RNF38: variants seen among roughly 807,000 people sequenced by gnomAD.
RNF38 encodes E3 ubiquitin-protein ligase RNF38.
RNF38 carries 15 observed loss-of-function variants against 67.2 expected under a neutral mutation model. The ratio of observed to expected loss-of-function variants is 0.22; its 90% CI spans 0.15 to 0.34. The LOEUF (loss-of-function observed/expected upper bound fraction) is 0.34, where lower values mean the gene tolerates loss of function less well. RNF38 is among the 10% of genes least tolerant of loss of function. The pLI is 1.00. For synonymous variants in RNF38, 220 were observed against 218.8 expected (o/e 1.01, Z -0.05); for missense variants, 524 against 639.9 (o/e 0.82, Z 1.95).
At chr9:36,486,436 A>G in intron 1 of RNF38, among the ~76,000 whole-genome samples, 1 of 152,020 alleles carries the variant, frequency 6.6e-6, no homozygotes, top group Non-Finnish European at 1.5e-5. Context: ...ACCTGGAAAA[A>G]ACTCACATGG....
intron 1 of RNF38, among the ~76,000 whole-genome samples, chr9:36,391,325 T>C (rs1394328148): frequency 6.6e-6 from 1 of 152,028 alleles, no homozygotes; most frequent in Non-Finnish European, 1.5e-5. Flanking sequence ...CAAAAATAAA[T>C]GTTTGACTTG....
rs550411198 is a variant in RNF38, at chr9:36,445,907, CT to C, written n.242-21225del. Among the ~76,000 whole-genome samples the C allele has an allele frequency of 4.0e-3, 606 of 152,314 alleles. 3 individuals are homozygous for C. The highest frequency in any genetic ancestry group is 6.8e-3 in the Middle Eastern group (2 of 294). On this transcript the variant is annotated intron_variant and non_coding_transcript_variant, in intron 1 of 3. Transcript: ENST00000488058. ...AACTATCAGGCTCAAACGATTCCCC[CT>C]GATGTGGAACTTCAGAGCCGTTGCC...
intron 8 of RNF38, among the ~76,000 whole-genome samples, chr9:36,352,459 TG>T (rs1216006633): frequency 6.6e-6 from 1 of 152,158 alleles, no homozygotes; most frequent in Non-Finnish European, 1.5e-5. Context: ...TCAAGACTGG[TG>T]GTAAGTGTTA....
intron 4 of RNF38, among the ~76,000 whole-genome samples, chr9:36,361,760 T>C (rs369687747): frequency 3.9e-5 from 6 of 152,272 alleles, no homozygotes; most frequent in African/African-American, 1.2e-4. Flanking sequence ...CTTAAAACTA[T>C]CCATAAAAGA....
intron 4 of RNF38, among the ~76,000 whole-genome samples, chr9:36,366,409 C>A (rs763547269): frequency 4.6e-5 from 7 of 151,804 alleles, no homozygotes; most frequent in African/African-American, 1.7e-4. Context: ...ATTAGTATGT[C>A]TGGGTTGTTC....
rs1838506617 is a variant in RNF38, at chr9:36,417,476, T to C, written n.312+7137A>G. Among the ~76,000 whole-genome samples, 4 of 152,218 alleles carry C rather than the reference T, an allele frequency of 2.6e-5. No individual in the cohort carries two copies. In the South Asian group the frequency reaches 6.2e-4, roughly 24 times the overall value. On this transcript the variant is annotated intron_variant and non_coding_transcript_variant, in intron 2 of 3. Transcript: ENST00000488058. ...GATATTTGAACTATTTACCTAAAAG[T>C]ACCAATAATAATTCTATAAATTAAC...
chr9:36,454,872 C>G, intron 1 of RNF38, among the ~76,000 whole-genome samples: 1 of 152,162 alleles, frequency 6.6e-6, no homozygotes, highest in African/African-American at 2.4e-5. Flanking sequence ...GCGTGAGCCA[C>G]TGCACCCGAC....
chr9:36,464,712 A>G (rs10972919), intron 1 of RNF38, among the ~76,000 whole-genome samples: 60,589 of 152,086 alleles, frequency 0.4, 12,511 homozygotes, highest in South Asian at 0.51. Context: ...TGTATAGCTA[A>G]GAATGGAAGG....
intron 1 of RNF38, among the ~76,000 whole-genome samples, chr9:36,434,256 G>A (rs1179319385): frequency 7.7e-6 from 1 of 129,726 alleles, no homozygotes; most frequent in African/African-American, 2.9e-5. Context: ...GGGAGGGGAG[G>A]GGAGAGGGGA....
intron 1 of RNF38, among the ~76,000 whole-genome samples, chr9:36,451,782 T>TGCG (rs1839455896): frequency 1.3e-5 from 2 of 151,640 alleles, no homozygotes; most frequent in African/African-American, 4.8e-5. Context: ...TTACAGGCAT[T>TGCG]AGCCACTGCA....
At chr9:36,439,784 C>CTT (rs1233552392) in intron 1 of RNF38, among the ~76,000 whole-genome samples, 1 of 125,840 alleles carries the variant, frequency 7.9e-6, no homozygotes, top group Non-Finnish European at 1.6e-5. Flanking sequence ...CAGTGAGACT[C>CTT]TGTCTCAAAA....
chr9:36,430,394 C>T (rs1272288102), intron 1 of RNF38, among the ~76,000 whole-genome samples: 5 of 152,004 alleles, frequency 3.3e-5, no homozygotes, highest in Non-Finnish European at 5.9e-5. Context: ...TTAGTAGAGA[C>T]GGGTTTTGCC....
At chr9:36,397,030 T>G (rs919334836) in intron 1 of RNF38, among the ~76,000 whole-genome samples, 1 of 146,360 alleles carries the variant, frequency 6.8e-6, no homozygotes, top group Non-Finnish European at 1.5e-5. Flanking sequence ...TGTGTGTATA[T>G]ACGTATATAC....
chr9:36,447,081 C>T (rs1028408569), intron 1 of RNF38, among the ~76,000 whole-genome samples: 4 of 147,294 alleles, frequency 2.7e-5, no homozygotes, highest in African/African-American at 1.0e-4. Flanking sequence ...GAGTTGAGAT[C>T]GTGTCACTGC....
chr9:36,386,004 C>T lies in RNF38; in HGVS notation c.162+4463G>A, dbSNP rs184000490. On this transcript the variant is annotated intron_variant, in intron 2 of 11. Transcript: ENST00000259605. ...ATGCAGAAAATACTTTCCAAGAGTA[C>T]GTCCAATCCCGAAGCAGTGATTTTT... 8.0e-4 allele frequency among the ~76,000 whole-genome samples: 122 copies of T among 152,274 alleles called. 1 individual carries two copies. Among genetic ancestry groups the T allele is most frequent in the Non-Finnish European group, 1.3e-3 (89 of 68,022 alleles).
At chr9:36,374,679 G>C (rs1298138570) in intron 3 of RNF38, among the ~76,000 whole-genome samples, 1 of 152,122 alleles carries the variant, frequency 6.6e-6, no homozygotes, top group Non-Finnish European at 1.5e-5. Flanking sequence ...TAGTAGAGAC[G>C]AGGCTTCACC....
At chr9:36,463,379 G>A (rs1030600387) in intron 1 of RNF38, among the ~76,000 whole-genome samples, 3 of 152,166 alleles carry the variant, frequency 2.0e-5, no homozygotes, top group African/African-American at 7.2e-5. Flanking sequence ...TAGATAATAT[G>A]AGTCTGATCA....
At chr9:36,480,921 T>C (rs920103694) in intron 1 of RNF38, among the ~76,000 whole-genome samples, 1 of 152,066 alleles carries the variant, frequency 6.6e-6, no homozygotes, top group African/African-American at 2.4e-5. Context: ...AGGATCAGTA[T>C]ATACACCAAA....
At position 36,420,532 on chromosome 9, in the gene RNF38, CA is replaced by C. The variant is rs59641483; in HGVS notation, n.312+4080del. ...GGGCAACAGAGCAAGACTCTGTCTC[CA>C]AAAAAAAAAAAAAAGAGGACAACCT... is the stretch of plus-strand genomic sequence containing the variant. On this transcript the variant is annotated intron_variant and non_coding_transcript_variant, in intron 2 of 3. Coordinates refer to the RNF38 transcript ENST00000488058. Among the ~76,000 whole-genome samples, 118 of 73,358 alleles carry C rather than the reference CA, an allele frequency of 1.6e-3. 4 individuals are homozygous for C. Among genetic ancestry groups the C allele is most frequent in the Admixed American group, 2.7e-3 (19 of 7,144 alleles). The allele number at this position is 73,358 out of a possible 152,430, so 48.1% of individuals were successfully genotyped here.
Sources: allele counts gnomAD v4.1 joint callset (sites outside exome capture counted in the v4.1 genomes callset), GRCh38; gene constraint gnomAD v4.1.1; transcripts MANE v1.5; gene names NCBI Gene and HGNC (gene_info 2026-07-23, HGNC 2026-07-21).